Variants in BCKDHB observed in about 807,000 individuals in gnomAD.
BCKDHB encodes 2-oxoisovalerate dehydrogenase subunit beta, mitochondrial.
A neutral mutation model predicts 48.5 loss-of-function variants in BCKDHB; 41 were observed. The ratio of observed to expected loss-of-function variants is 0.85; its 90% confidence interval spans 0.66 to 1.10. The LOEUF (loss-of-function observed/expected upper bound fraction) is 1.10. Among genes scored for constraint, BCKDHB ranks in the 50% least tolerant of loss-of-function variants. BCKDHB has a pLI of 0.00. For missense variants in BCKDHB, 496 were observed against 494.2 expected, an observed-to-expected ratio of 1.00 and a Z score of -0.03; for synonymous variants, 201 against 174.8, an observed-to-expected ratio of 1.15 and a Z score of -1.18.
chr6:80,256,361 T>G (rs1480317714), intron 8 of BCKDHB, among the ~76,000 whole-genome samples: 1 of 152,184 alleles, frequency 6.6e-6, no homozygotes. Flanking sequence ...TCCTAGACTA[T>G]AAACCTGTGC....
chr6:80,406,288 G>A, the BCKDHB span, among the ~76,000 whole-genome samples: 5 of 152,176 alleles, frequency 3.3e-5, no homozygotes, highest in Admixed American at 6.5e-5. Flanking sequence ...ATAAACATAT[G>A]TGTGCATGTG....
chr6:80,345,120 C>T lies in BCKDHB; in HGVS notation c.*1316C>T, dbSNP rs1211163212. The T allele has an allele frequency of 2.6e-5, 4 of 152,092 alleles. No individual in the cohort carries two copies. In the East Asian group the frequency reaches 7.7e-4, roughly 29 times the overall value. 9.4% of individuals were successfully genotyped at this position (152,092 alleles called of 1,614,324 possible). On this transcript the variant is annotated 3_prime_UTR_variant, in exon 10 of 10. Coordinates refer to ENST00000320393, the MANE Select transcript of BCKDHB (RefSeq NM_183050.4). ...TGATTTTCTAAGTAATGCTTATCAGCCCCTTCAGTGGTGTTATTCTAACAA... is the reference window on the plus strand; with the variant it reads ...TGATTTTCTAAGTAATGCTTATCAGTCCCTTCAGTGGTGTTATTCTAACAA...
Position 80,169,044 on chromosome 6 carries a change from T to C in BCKDHB, c.633+14T>C, listed in dbSNP as rs750793852. 11 of 1,612,230 alleles carry C rather than the reference T, an allele frequency of 6.8e-6. No individual in the cohort carries two copies. The Admixed American group carries it at 1.5e-4, about 22-fold the overall frequency. ...CCAGGAATCAAGGTATGTTCATTTA[T>C]GTACTTTATTTGATTTCTATTTGAT... On this transcript the variant is annotated intron_variant, in intron 5 of 9. Transcript: ENST00000320393.
chr6:80,388,665 T>C, the BCKDHB span, among the ~76,000 whole-genome samples: 3 of 152,148 alleles, frequency 2.0e-5, no homozygotes. Flanking sequence ...CATGATCTCT[T>C]CTCCTGCCAC....
At chr6:80,159,329 T>C (rs1390464089) in intron 3 of BCKDHB, among the ~76,000 whole-genome samples, 1 of 152,098 alleles carries the variant, frequency 6.6e-6, no homozygotes, top group Admixed American at 6.5e-5. Context: ...TCTTCTCAAC[T>C]AGTACAGAGA....
intron 6 of BCKDHB, among the ~76,000 whole-genome samples, chr6:80,187,912 A>G (rs1404379604): frequency 2.0e-5 from 3 of 152,210 alleles, no homozygotes; most frequent in African/African-American, 7.2e-5. Flanking sequence ...TGTGGAAAGC[A>G]GTTTTGTGTT....
the BCKDHB span, among the ~76,000 whole-genome samples, chr6:80,404,819 G>A: frequency 6.6e-6 from 1 of 152,072 alleles, no homozygotes; most frequent in Admixed American, 6.6e-5. Flanking sequence ...TTAGTAGAGT[G>A]TTGCTTAATT....
intron 9 of BCKDHB, among the ~76,000 whole-genome samples, chr6:80,288,123 A>C (rs1255581304): frequency 6.6e-6 from 1 of 152,108 alleles, no homozygotes; most frequent in Non-Finnish European, 1.5e-5. Context: ...GTTAGTAGTT[A>C]GTATTACGCA....
chr6:80,221,050 T>C (rs541780403), intron 8 of BCKDHB, among the ~76,000 whole-genome samples: 8 of 152,108 alleles, frequency 5.3e-5, no homozygotes, highest in African/African-American at 9.7e-5. Flanking sequence ...TGATTATCTC[T>C]GGCATCATGC....
At chr6:80,153,068 A>G (rs1320906200) in intron 3 of BCKDHB, among the ~76,000 whole-genome samples, 1 of 152,204 alleles carries the variant, frequency 6.6e-6, no homozygotes, top group Non-Finnish European at 1.5e-5. Context: ...ACACAGCTGC[A>G]GCAGTAACAT....
chr6:80,178,735 A>G (rs1773279714), intron 6 of BCKDHB, among the ~76,000 whole-genome samples: 1 of 152,206 alleles, frequency 6.6e-6, no homozygotes, highest in Admixed American at 6.5e-5. Context: ...GGGAAATTAG[A>G]CAACTTGCCC....
At chr6:80,322,010 G>A (rs920303305) in intron 9 of BCKDHB, among the ~76,000 whole-genome samples, 1 of 152,154 alleles carries the variant, frequency 6.6e-6, no homozygotes, top group African/African-American at 2.4e-5. Flanking sequence ...ATAGAATGTG[G>A]TACTTGCTCC....
At chr6:80,453,003 T>C in the BCKDHB span, among the ~76,000 whole-genome samples, 3 of 152,228 alleles carry the variant, frequency 2.0e-5, no homozygotes, top group Admixed American at 1.3e-4. Flanking sequence ...ATTTAGTTGC[T>C]GTTTTCAGAA....
At chr6:80,237,591 T>G (rs1776198230) in intron 8 of BCKDHB, among the ~76,000 whole-genome samples, 1 of 152,208 alleles carries the variant, frequency 6.6e-6, no homozygotes, top group Non-Finnish European at 1.5e-5. Context: ...CTTTTTACTC[T>G]TCACAGTAAA....
At chr6:80,159,564 G>A (rs1270985490) in intron 3 of BCKDHB, among the ~76,000 whole-genome samples, 2 of 152,140 alleles carry the variant, frequency 1.3e-5, no homozygotes, top group African/African-American at 4.8e-5. Context: ...AGGCAGAAAT[G>A]GTCTTCTGGA....
the BCKDHB span, among the ~76,000 whole-genome samples, chr6:80,357,100 T>C: frequency 6.6e-6 from 1 of 152,022 alleles, no homozygotes; most frequent in Non-Finnish European, 1.5e-5. Context: ...GAAAAAAAGA[T>C]GTCATATTCA....
the BCKDHB span, chr6:80,374,540 G>C: frequency 2.8e-6 from 2 of 713,944 alleles, no homozygotes. Flanking sequence ...ATTTTGTGGG[G>C]TTCTCCCGGT....
At chr6:80,398,966 TAA>T in the BCKDHB span, among the ~76,000 whole-genome samples, 3 of 152,140 alleles carry the variant, frequency 2.0e-5, no homozygotes, top group Admixed American at 6.5e-5. Context: ...AATAAATCAA[TAA>T]ATGTAATTCA....
intron 9 of BCKDHB, among the ~76,000 whole-genome samples, chr6:80,295,486 T>G (rs1767179206): frequency 6.6e-6 from 1 of 151,916 alleles, no homozygotes; most frequent in Admixed American, 6.6e-5. Flanking sequence ...CATGATTCAC[T>G]TACCTCCCAC....
Sources: allele counts gnomAD v4.1 joint callset (sites outside exome capture counted in the v4.1 genomes callset), GRCh38; gene constraint gnomAD v4.1.1; transcripts MANE v1.5; gene names NCBI Gene and HGNC (gene_info 2026-07-23, HGNC 2026-07-21).